SEMA6A: variants seen among roughly 807,000 people sequenced by gnomAD.
SEMA6A encodes the protein semaphorin 6A.
SEMA6A carries 25 observed loss-of-function variants against 96.8 expected under a neutral mutation model. The ratio of observed to expected loss-of-function variants is 0.26; its 90% CI spans 0.19 to 0.36. The LOEUF (loss-of-function observed/expected upper bound fraction) is 0.36, where lower values mean the gene tolerates loss of function less well. Ranked by LOEUF, SEMA6A falls within the 10% of genes least tolerant of loss-of-function variation. The pLI is 1.00. For synonymous variants in SEMA6A, 612 were observed against 518.0 expected, an observed-to-expected ratio of 1.18 and a Z score of -2.46; for missense variants, 1,363 against 1,323.1, an observed-to-expected ratio of 1.03 and a Z score of -0.47.
chr5:116,504,238 T>A (rs572050352), intron 2 of SEMA6A, among the ~76,000 whole-genome samples: 3 of 152,204 alleles, frequency 2.0e-5, no homozygotes. Context: ...AAATTGAATG[T>A]TCCATCCAAC....
At chr5:116,455,181 CA>C (rs1754931731) in intron 18 of SEMA6A, among the ~76,000 whole-genome samples, 1 of 152,158 alleles carries the variant, frequency 6.6e-6, no homozygotes, top group Non-Finnish European at 1.5e-5. Flanking sequence ...TGGGAACGCT[CA>C]GTTCACTGTT....
At chr5:116,513,748 C>T (rs548060034) in intron 1 of SEMA6A, among the ~76,000 whole-genome samples, 2 of 152,044 alleles carry the variant, frequency 1.3e-5, no homozygotes, top group African/African-American at 4.8e-5. Flanking sequence ...CCAGCATCCA[C>T]GAGCTATTCT....
intron 1 of SEMA6A, among the ~76,000 whole-genome samples, chr5:116,519,338 G>T (rs1758818806): frequency 6.6e-6 from 1 of 152,140 alleles, no homozygotes; most frequent in Non-Finnish European, 1.5e-5. Flanking sequence ...GTACACCACA[G>T]GGTACTTTTT....
intron 1 of SEMA6A, among the ~76,000 whole-genome samples, chr5:116,573,285 G>T (rs1580533465): frequency 6.6e-6 from 1 of 152,154 alleles, no homozygotes; most frequent in Non-Finnish European, 1.5e-5. Flanking sequence ...CTTCTGCCAG[G>T]TCTCTCACCC....
At chr5:116,469,142 G>A (rs116607628) in intron 17 of SEMA6A, 62 of 152,260 alleles carry the variant, frequency 4.1e-4, no homozygotes, top group African/African-American at 1.4e-3. Context: ...ACACTTAAAT[G>A]CTGCCACAAA....
In SEMA6A at chr5:116,497,525, G is replaced by A. The variant is rs771979344; in HGVS notation, c.219-138C>T. On this transcript the variant is annotated intron_variant, in intron 3 of 18. Coordinates refer to ENST00000343348, the MANE Select transcript of SEMA6A (RefSeq NM_020796.5). The stretch of plus-strand genomic sequence containing the variant: ...TATCCACATGCAAGAAGAAAAGAGC[G>A]CAGCCTTCAAGAGATGTCTCCGGAT... 7.9e-5 allele frequency: 44 copies of A among 554,066 alleles called. No individual in the cohort carries two copies. The Admixed American group carries it at 1.1e-3, about 14-fold the overall frequency. The allele number at this position is 554,066 out of a possible 1,614,324, so 34.3% of individuals were successfully genotyped here. A position where few individuals can be genotyped will look rare whatever the true frequency, so the allele number is the denominator to read the frequency against.
intron 18 of SEMA6A, among the ~76,000 whole-genome samples, chr5:116,457,469 A>G (rs957011029): frequency 2.6e-5 from 4 of 152,208 alleles, no homozygotes; most frequent in African/African-American, 7.2e-5. Flanking sequence ...GTAATTGCAG[A>G]TATCTGTTTG....
intron 15 of SEMA6A, among the ~76,000 whole-genome samples, 166 bp downstream of exon 15, chr5:116,477,680 T>TGAG (rs1756526760): frequency 6.6e-6 from 1 of 152,202 alleles, no homozygotes; most frequent in South Asian, 2.1e-4. Flanking sequence ...TGTGATGTGG[T>TGAG]GAGGCTCTAT....
At chr5:116,569,600 A>G (rs1222855342) in intron 1 of SEMA6A, among the ~76,000 whole-genome samples, 3 of 152,160 alleles carry the variant, frequency 2.0e-5, no homozygotes, top group African/African-American at 7.2e-5. Flanking sequence ...CTGGCATGAA[A>G]ACCTAGCAGG....
chr5:116,478,313 T>G, intron 13 of SEMA6A, 159 bp from the exon 14 acceptor site: 1 of 814,116 alleles, frequency 1.2e-6, no homozygotes, highest in Non-Finnish European at 1.9e-6. Context: ...AACACACACA[T>G]GTATATGTAT....
chr5:116,550,735 C>T (rs1407586597), intron 1 of SEMA6A: 1 of 152,198 alleles, frequency 6.6e-6, no homozygotes, highest in Non-Finnish European at 1.5e-5. Flanking sequence ...TGCACCAAAA[C>T]TCTGAGAGAA....
intron 18 of SEMA6A, among the ~76,000 whole-genome samples, chr5:116,450,343 A>T (rs1754545078): frequency 6.6e-6 from 1 of 152,188 alleles, no homozygotes; most frequent in Admixed American, 6.5e-5. Context: ...ATTCCCAATA[A>T]ATGTGTATTA....
chr5:116,543,063 A>AT (rs1193446598), intron 1 of SEMA6A, among the ~76,000 whole-genome samples: 3 of 152,224 alleles, frequency 2.0e-5, no homozygotes, highest in Non-Finnish European at 4.4e-5. Context: ...TTCTAAGCTC[A>AT]TAAAATAGTA....
chr5:116,473,705 A>C (rs1048776041), intron 16 of SEMA6A, among the ~76,000 whole-genome samples: 5 of 152,134 alleles, frequency 3.3e-5, no homozygotes, highest in African/African-American at 1.2e-4. Context: ...AATCCTGTTA[A>C]TTTTGTACCA....
At chr5:116,468,430 G>A (rs1012274204) in intron 17 of SEMA6A, 1 of 152,172 alleles carries the variant, frequency 6.6e-6, no homozygotes, top group African/African-American at 2.4e-5. Context: ...TATTACGGCT[G>A]TCCCTTTTGT....
chr5:116,458,694 A>G (rs1755172210), intron 18 of SEMA6A, among the ~76,000 whole-genome samples: 2 of 152,304 alleles, frequency 1.3e-5, no homozygotes, highest in Non-Finnish European at 2.9e-5. Context: ...AGGCAGGCAG[A>G]GAGATGAAAC....
At position 116,449,598 on chromosome 5, in the gene SEMA6A, A is replaced by C. The variant is rs1754497444; in HGVS notation, c.1895-1787T>G. 6.3e-6 allele frequency: 3 copies of C among 473,748 alleles called. No homozygotes were observed. The East Asian group carries it at 1.1e-4, about 17-fold the overall frequency. The allele number at this position is 473,748 out of a possible 1,614,324, so 29.3% of individuals were successfully genotyped here. On this transcript the variant is annotated intron_variant, in intron 18 of 18. Transcript: ENST00000343348. The stretch of plus-strand genomic sequence containing the variant: ...AAAACCCAGAAACCTTAGCCTGAAA[A>C]GTACATTCTCTTTTTCTTTCCTTCC...
chr5:116,451,133 T>C (rs919294643), intron 18 of SEMA6A, among the ~76,000 whole-genome samples: 13 of 152,326 alleles, frequency 8.5e-5, no homozygotes, highest in African/African-American at 2.9e-4. Context: ...TCAGTTTTTT[T>C]ATCTGTAGCA....
At chr5:116,494,617 A>G (rs1455866774) in intron 6 of SEMA6A, among the ~76,000 whole-genome samples, 1 of 152,102 alleles carries the variant, frequency 6.6e-6, no homozygotes, top group Non-Finnish European at 1.5e-5. Context: ...CATGGCAGCA[A>G]CCCCATGAAA....
Sources: gnomAD v4.1 joint callset for allele counts (sites outside exome capture counted in the v4.1 genomes callset) on GRCh38, gnomAD v4.1.1 for gene constraint, MANE v1.5 for transcripts, NCBI Gene and HGNC (gene_info 2026-07-23, HGNC 2026-07-21) for gene names.